Variants in CEP41 observed in about 807,000 individuals in gnomAD.
The protein encoded by CEP41 is centrosomal protein 41.
In CEP41, 32 loss-of-function variants were observed where a neutral mutation model predicts 44.3. That is an observed-to-expected ratio of 0.72 (90% CI 0.54 to 0.97). The LOEUF is 0.97. Ranked by LOEUF, CEP41 falls within the 50% of genes least tolerant of loss-of-function variation. The pLI, the probability that CEP41 is intolerant of heterozygous loss-of-function variation, is 0.00. For synonymous variants in CEP41, 151 were observed against 168.5 expected (o/e 0.90, Z 0.80); for missense variants, 432 against 455.2 (o/e 0.95, Z 0.46).
chr7:130,413,268 G>A (rs1414899738), intron 3 of CEP41, among the ~76,000 whole-genome samples: 2 of 152,136 alleles, frequency 1.3e-5, no homozygotes, highest in African/African-American at 4.8e-5. Context: ...TGGGATTACA[G>A]GCGTGAGCCA....
chr7:130,402,002 G>A (rs1181058177), intron 7 of CEP41, 54 bp from the exon 8 acceptor site: 2 of 1,213,454 alleles, frequency 1.6e-6, no homozygotes, highest in East Asian at 4.7e-5. Flanking sequence ...ATACAACTTG[G>A]CCTCAATTCC....
chr7:130,434,702 A>G (rs1269715680), intron 1 of CEP41, among the ~76,000 whole-genome samples: 2 of 152,238 alleles, frequency 1.3e-5, no homozygotes, highest in African/African-American at 4.8e-5. Flanking sequence ...TACAAATAGC[A>G]TAACACTATT....
In CEP41 at chr7:130,400,804, C is replaced by A. The variant is rs1554416718; in HGVS notation, c.660G>T (p.Lys220Asn). The part of the protein sequence containing the change: ...DILEYKNAHG[K>N]IIILYDDDER... ...CATCATCGTCATACAGAATGATGAT[C>A]TTGCCATGGGCATTTTTCTAAGAGT... The change falls in exon 9 of 11, where the codon AAG becomes AAT. Residue 220 changes from lysine (K) to asparagine (N), a missense_variant. Lys to Asn is a moderately conservative substitution (Grantham distance 94, BLOSUM62 0). Transcript: ENST00000223208. 2 of 1,610,986 alleles carry A rather than the reference C, an allele frequency of 1.2e-6. No homozygotes were observed. Among genetic ancestry groups the A allele is most frequent in the Admixed American group, 1.7e-5 (1 of 59,892 alleles).
Position 130,402,677 on chromosome 7 carries a change from T to A in CEP41, c.545A>T (p.Asp182Val). ...PFLLLDVRDR[D>V]SYQQCHIVGA... is the part of the protein sequence containing the mutation. Reference sequence around the variant, plus strand: ...AACAATGTGGCACTGCTGGTAAGAATCTCTATCACGCACATCTAGCAGCAG... The same window carrying A: ...AACAATGTGGCACTGCTGGTAAGAAACTCTATCACGCACATCTAGCAGCAG... Residue 182 changes from aspartate to valine, a missense_variant, in exon 7 of 11, where the codon GAT (aspartate) becomes GTT (valine). Physicochemically the swap from Asp to Val is radical, Grantham distance 152 (BLOSUM62 -3). Transcript: ENST00000223208. 6.2e-7 allele frequency: 1 copy of A among 1,614,114 alleles called. No individual in the cohort carries two copies. Among genetic ancestry groups the A allele is most frequent in the Non-Finnish European group, 8.5e-7 (1 of 1,180,002 alleles).
At chr7:130,441,050 G>A (rs531891465), upstream of CEP41, 31 of 1,476,480 alleles carry the variant, frequency 2.1e-5, no homozygotes, top group Non-Finnish European at 2.6e-5. Flanking sequence ...ACCTTGTTCA[G>A]CCGCCTCCCT....
At chr7:130,421,293 G>A in intron 2 of CEP41, 5 of 985,406 alleles carry the variant, frequency 5.1e-6, no homozygotes, top group Non-Finnish European at 6.0e-6. Flanking sequence ...GATTTATAAG[G>A]CACGAACTCA....
chr7:130,397,445 G>C lies in CEP41; in HGVS notation c.*1446C>G. ...GTTATTTTTCCATATGTCTCTATGA[G>C]ATATTTATTACGTTTATTTCTCATA... On this transcript the variant is annotated 3_prime_UTR_variant, in exon 11 of 11. Coordinates refer to ENST00000223208, the MANE Select transcript of CEP41 (RefSeq NM_018718.3). 1 of 436,382 alleles carries C rather than the reference G, an allele frequency of 2.3e-6. No homozygotes were observed. The highest frequency in any genetic ancestry group is 7.2e-5 in the East Asian group (1 of 13,940). The allele number at this position is 436,382 out of a possible 1,614,324, so 27.0% of individuals were successfully genotyped here.
chr7:130,420,977 T>A (rs1797491052), intron 2 of CEP41: 1 of 981,076 alleles, frequency 1.0e-6, no homozygotes, highest in East Asian at 1.1e-4. Context: ...GCTACATATA[T>A]GACTCATATT....
rs1554415876 is a variant in CEP41, at chr7:130,398,549, A to G, written c.*342T>C. 2 of 471,678 alleles carry G rather than the reference A, an allele frequency of 4.2e-6. No homozygotes were observed. Among genetic ancestry groups the G allele is most frequent in the Non-Finnish European group, 8.4e-6 (2 of 238,726 alleles). The allele number at this position is 471,678 out of a possible 1,614,324, so 29.2% of individuals were successfully genotyped here. A position where few individuals can be genotyped will look rare whatever the true frequency, so the allele number is the denominator to read the frequency against. On this transcript the variant is annotated 3_prime_UTR_variant, in exon 11 of 11. Transcript: ENST00000223208. Reference sequence around the variant, plus strand: ...AGTATTTACAAAACAACACAGAGAGACCCAACAAGCTGGACCTTATTAAAA... The same window carrying G: ...AGTATTTACAAAACAACACAGAGAGGCCCAACAAGCTGGACCTTATTAAAA...
intron 1 of CEP41, among the ~76,000 whole-genome samples, chr7:130,439,971 G>T (rs1324876911): frequency 6.6e-6 from 1 of 152,112 alleles, no homozygotes; most frequent in Non-Finnish European, 1.5e-5. Flanking sequence ...CGACCACACT[G>T]TACTCAAATT....
chr7:130,407,473 G>A (rs1369695245), intron 5 of CEP41, among the ~76,000 whole-genome samples: 1 of 152,026 alleles, frequency 6.6e-6, no homozygotes, highest in Non-Finnish European at 1.5e-5. Context: ...AGTAACATAT[G>A]TTAAAAAGGT....
intron 1 of CEP41, among the ~76,000 whole-genome samples, chr7:130,430,546 G>T (rs868942482): frequency 1.1e-4 from 16 of 152,182 alleles, no homozygotes; most frequent in African/African-American, 3.9e-4. Flanking sequence ...GAAAGACAGA[G>T]CAGATTCTTT....
chr7:130,399,143 T>C, intron 10 of CEP41, 104 bp from the exon 11 acceptor site: 1 of 1,431,048 alleles, frequency 7.0e-7, no homozygotes, highest in South Asian at 1.2e-5. Flanking sequence ...CAACCACTTT[T>C]AAGCTAATGA....
rs1491515675 is a variant in CEP41, at chr7:130,410,030, T to TTTTTTTTTTTTTTC, written c.277+1091_277+1092insGAAAAAAAAAAAAA. On this transcript the variant is annotated intron_variant, in intron 5 of 10. Transcript: ENST00000223208. ...CTTGAGGAAGCCTACCTCGGTCTTCTTTTTTTTTTTTTTGAGACAGAGTCT... is the reference window on the plus strand; with the variant it reads ...CTTGAGGAAGCCTACCTCGGTCTTCTTTTTTTTTTTTTTCTTTTTTTTTTTTTGAGACAGAGTCT... 1.3e-3 allele frequency among the ~76,000 whole-genome samples: 181 copies of TTTTTTTTTTTTTTC among 138,956 alleles called. 6 individuals are homozygous for TTTTTTTTTTTTTTC. The highest frequency in any genetic ancestry group is 2.3e-3 in the Non-Finnish European group (144 of 63,970). 91.2% of individuals were successfully genotyped at this position (138,956 alleles called of 152,430 possible).
chr7:130,441,354 AAATACAACAC>A (rs1798163602), upstream of CEP41: 2 of 397,218 alleles, frequency 5.0e-6, no homozygotes, highest in Non-Finnish European at 9.6e-6. Flanking sequence ...GTGGAACCAT[AAATACAACAC>A]AAGACTCCCC....
chr7:130,438,312 C>T lies in CEP41; in HGVS notation c.33+2622G>A, dbSNP rs148677314. On this transcript the variant is annotated intron_variant, in intron 1 of 10. Transcript: ENST00000223208. ...GTGGCTCATGCCTGTAATACCAGCACTTTGGGAGGCCAAGGCAGGCGGGTG... is the reference window on the plus strand; with the variant it reads ...GTGGCTCATGCCTGTAATACCAGCATTTTGGGAGGCCAAGGCAGGCGGGTG... 4.2e-3 allele frequency among the ~76,000 whole-genome samples: 646 copies of T among 152,310 alleles called. 21 individuals are homozygous for T. Among genetic ancestry groups the T allele is most frequent in the Admixed American group, 0.039 (604 of 15,304 alleles).
At chr7:130,421,425 T>C in intron 2 of CEP41, 1 of 985,440 alleles carries the variant, frequency 1.0e-6, no homozygotes, top group Non-Finnish European at 1.2e-6. Flanking sequence ...TTTGTTAACC[T>C]CAATAAGTGA....
intron 1 of CEP41, among the ~76,000 whole-genome samples, chr7:130,433,998 CATGGAAGA>C (rs1554425668): frequency 2.0e-5 from 3 of 152,132 alleles, no homozygotes. Context: ...AGAAAGACTT[CATGGAAGA>C]ATGGACACTG....
chr7:130,430,627 A>T (rs1275738320), intron 1 of CEP41, among the ~76,000 whole-genome samples: 1 of 152,248 alleles, frequency 6.6e-6, no homozygotes, highest in African/African-American at 2.4e-5. Context: ...GACAGACAAT[A>T]TCATGGCAAA....
Sources: gnomAD v4.1 joint callset for allele counts (sites outside exome capture counted in the v4.1 genomes callset) on GRCh38, gnomAD v4.1.1 for gene constraint, MANE v1.5 for transcripts, NCBI Gene and HGNC (gene_info 2026-07-23, HGNC 2026-07-21) for gene names.